The following UBAP2L variants were observed in gnomAD, a reference collection of about 807,000 sequenced individuals.
UBAP2L encodes ubiquitin associated protein 2 like.
Under a neutral mutation model 130.6 loss-of-function variants are expected in UBAP2L, and 12 were observed. The ratio of observed to expected loss-of-function variants is 0.09; its 90% CI spans 0.06 to 0.15. The LOEUF (loss-of-function observed/expected upper bound fraction) is 0.15, where lower values mean the gene tolerates loss of function less well. Ranked by LOEUF, UBAP2L falls within the 10% of genes least tolerant of loss-of-function variation. The probability of loss-of-function intolerance (pLI) is 1.00; values close to 1 mark genes in which losing one functional copy is unlikely to be tolerated. For synonymous variants in UBAP2L, 503 were observed against 524.7 expected, an observed-to-expected ratio of 0.96 and a Z score of 0.57; for missense variants, 965 against 1,332.5, an observed-to-expected ratio of 0.72 and a Z score of 4.29.
At chr1:154,230,251 C>G (rs982996123) in intron 4 of UBAP2L, among the ~76,000 whole-genome samples, 1 of 152,192 alleles carries the variant, frequency 6.6e-6, no homozygotes, top group African/African-American at 2.4e-5. Flanking sequence ...AGGCAATCCT[C>G]CTGCCTCGGC....
chr1:154,237,197 G>A (rs1285164458), intron 8 of UBAP2L, 61 bp downstream of exon 8: 1 of 1,438,582 alleles, frequency 7.0e-7, no homozygotes, highest in African/African-American at 1.4e-5. Flanking sequence ...AGTTTTTTCT[G>A]ATTATACTTA....
chr1:154,230,670 A>G (rs954576541), intron 4 of UBAP2L, among the ~76,000 whole-genome samples: 5 of 152,208 alleles, frequency 3.3e-5, no homozygotes, highest in Non-Finnish European at 5.9e-5. Context: ...GTCTAGTGCT[A>G]TAAGGCTGAT....
At chr1:154,223,999 ACT>A (rs1213915447) in intron 1 of UBAP2L, among the ~76,000 whole-genome samples, 3 of 152,228 alleles carry the variant, frequency 2.0e-5, no homozygotes, top group South Asian at 2.1e-4. Context: ...TATTTTGAAC[ACT>A]CTATCATATG....
At chr1:154,231,282 A>C (rs1571636992) in intron 4 of UBAP2L, among the ~76,000 whole-genome samples, 1 of 135,014 alleles carries the variant, frequency 7.4e-6, no homozygotes, top group Non-Finnish European at 1.5e-5. Flanking sequence ...GCGCCACCAC[A>C]CTTGGCTTTT....
In UBAP2L at chr1:154,270,404, C is replaced by T. The variant is rs761973523; in HGVS notation, c.*109C>T. ...AATGTGGGGGGTTTCCGCTGCCCCC[C>T]ACCCCCAGCGGCCCACCCCATGCCT... On this transcript the variant is annotated 3_prime_UTR_variant, in exon 27 of 27. Coordinates refer to ENST00000428931, the MANE Select transcript of UBAP2L (RefSeq NM_014847.4). The T allele has an allele frequency of 1.6e-5, 24 of 1,541,430 alleles. 1 individual carries two copies. In the South Asian group the frequency reaches 2.3e-4, roughly 15 times the overall value.
At chr1:154,268,683 C>T in intron 25 of UBAP2L, 74 bp from the exon 26 acceptor site, 1 of 1,488,820 alleles carries the variant, frequency 6.7e-7, no homozygotes, top group Non-Finnish European at 9.3e-7. Context: ...GGTCAGGGAG[C>T]TTGAGCTCAG....
intron 18 of UBAP2L, 97 bp from the exon 19 acceptor site, chr1:154,256,963 ACAT>A: frequency 1.5e-6 from 2 of 1,371,726 alleles, no homozygotes; most frequent in Non-Finnish European, 2.0e-6. Flanking sequence ...TAGGAAGTTG[ACAT>A]CATAATATAT....
At chr1:154,267,373 C>G (rs960007557) in intron 25 of UBAP2L, among the ~76,000 whole-genome samples, 1 of 151,928 alleles carries the variant, frequency 6.6e-6, no homozygotes, top group African/African-American at 2.4e-5. Flanking sequence ...CTAGGCTGGT[C>G]TCGAACTCCT....
At chr1:154,252,347 C>T (rs2148899463) in intron 14 of UBAP2L, among the ~76,000 whole-genome samples, 1 of 142,856 alleles carries the variant, frequency 7.0e-6, no homozygotes, top group East Asian at 2.1e-4. Context: ...GTGGTGTGAT[C>T]TCGGCTCACT....
At chr1:154,247,329 G>A (rs1426919882) in intron 11 of UBAP2L, among the ~76,000 whole-genome samples, 1 of 152,176 alleles carries the variant, frequency 6.6e-6, no homozygotes, top group African/African-American at 2.4e-5. Flanking sequence ...CATAGGAAAG[G>A]TAACAGGTGA....
intron 18 of UBAP2L, among the ~76,000 whole-genome samples, chr1:154,256,394 T>G (rs893558120): frequency 4.6e-5 from 7 of 152,178 alleles, no homozygotes; most frequent in Admixed American, 4.6e-4. Flanking sequence ...CCCAACACTT[T>G]GGGAGGCCAA....
intron 4 of UBAP2L, among the ~76,000 whole-genome samples, chr1:154,233,586 G>A (rs542052427): frequency 6.7e-6 from 1 of 148,792 alleles, no homozygotes; most frequent in Non-Finnish European, 1.5e-5. Context: ...GCCTCCCAAA[G>A]TGCTGGGATT....
intron 26 of UBAP2L, among the ~76,000 whole-genome samples, chr1:154,269,968 C>T (rs1684389097): frequency 6.6e-6 from 1 of 152,140 alleles, no homozygotes; most frequent in African/African-American, 2.4e-5. Context: ...TACCTTGTCT[C>T]TAAAGGTATC....
chr1:154,256,975 A>G, intron 18 of UBAP2L, 88 bp from the exon 19 acceptor site: 1 of 1,448,072 alleles, frequency 6.9e-7, no homozygotes, highest in Non-Finnish European at 9.3e-7. Context: ...ATCATAATAT[A>G]TTCAGCAGGA....
At chr1:154,267,636 G>A (rs1187641396) in intron 25 of UBAP2L, among the ~76,000 whole-genome samples, 1 of 150,500 alleles carries the variant, frequency 6.6e-6, no homozygotes, top group African/African-American at 2.4e-5. Context: ...TTGTATTTTT[G>A]TTTTTTGTTT....
chr1:154,229,192 A>C (rs1378515763), intron 4 of UBAP2L, among the ~76,000 whole-genome samples: 1 of 151,984 alleles, frequency 6.6e-6, no homozygotes, highest in Non-Finnish European at 1.5e-5. Context: ...ATTGCACACT[A>C]CTGTTTCATT....
At chr1:154,248,483 A>G (rs936357958) in intron 11 of UBAP2L, among the ~76,000 whole-genome samples, 7 of 152,200 alleles carry the variant, frequency 4.6e-5, no homozygotes, top group African/African-American at 1.7e-4. Context: ...TGGCAAAAGT[A>G]AAATCTTATA....
intron 8 of UBAP2L, among the ~76,000 whole-genome samples, chr1:154,240,206 G>C (rs1484195469): frequency 6.6e-6 from 1 of 152,118 alleles, no homozygotes; most frequent in Non-Finnish European, 1.5e-5. Flanking sequence ...GGGTGCTCTT[G>C]TCCCTTCTTC....
rs1680246372 is a variant in UBAP2L, at chr1:154,258,088, A to T, written c.2442+654A>T. 2.0e-5 allele frequency among the ~76,000 whole-genome samples: 3 copies of T among 151,948 alleles called. No individual in the cohort carries two copies. In the South Asian group the frequency reaches 6.2e-4, roughly 32 times the overall value. On this transcript the variant is annotated intron_variant, in intron 20 of 26. Transcript: ENST00000428931. Reference sequence around the variant, plus strand: ...GGCTCAAGCAATCCTCTCACCTCAGACTCCCCAAGTAGCTAGGACTACAGG... The same window carrying T: ...GGCTCAAGCAATCCTCTCACCTCAGTCTCCCCAAGTAGCTAGGACTACAGG...
Sources: gnomAD v4.1 joint callset for allele counts (sites outside exome capture counted in the v4.1 genomes callset) on GRCh38, gnomAD v4.1.1 for gene constraint, MANE v1.5 for transcripts, NCBI Gene and HGNC (gene_info 2026-07-23, HGNC 2026-07-21) for gene names.